The following RC3H1 variants were observed in gnomAD, a reference collection of about 807,000 sequenced individuals.
The protein encoded by RC3H1 is ring finger and CCCH-type domains 1.
A neutral mutation model predicts 138.2 loss-of-function variants in RC3H1; 50 were observed. The observed-to-expected ratio is 0.36, with a 90% CI of 0.29 to 0.46. RC3H1 has a LOEUF of 0.46. Ranked by LOEUF, RC3H1 falls within the 20% of genes least tolerant of loss-of-function variation. The pLI is 1.00. For missense variants in RC3H1, 1,031 were observed against 1,388.1 expected, an observed-to-expected ratio of 0.74 and a Z score of 4.09; for synonymous variants, 462 against 489.1, an observed-to-expected ratio of 0.94 and a Z score of 0.73.
intron 1 of RC3H1, among the ~76,000 whole-genome samples, chr1:174,007,460 T>C (rs1409602163): frequency 2.0e-5 from 3 of 151,844 alleles, no homozygotes; most frequent in Non-Finnish European, 4.4e-5. Context: ...TTTCATGCAA[T>C]GTTTTGTTGT....
At chr1:173,944,313 A>G (rs1659040371) in intron 17 of RC3H1, among the ~76,000 whole-genome samples, 1 of 152,200 alleles carries the variant, frequency 6.6e-6, no homozygotes, top group Admixed American at 6.5e-5. Context: ...AATGGCAAGG[A>G]CTTTTAACTG....
At chr1:173,968,250 C>T (rs749273989) in intron 9 of RC3H1, among the ~76,000 whole-genome samples, 4 of 152,134 alleles carry the variant, frequency 2.6e-5, no homozygotes, top group Non-Finnish European at 5.9e-5. Context: ...ATTTTCCTTG[C>T]TATTTGTACC....
At chr1:173,942,441 A>G (rs991191526) in intron 18 of RC3H1, among the ~76,000 whole-genome samples, 3 of 149,826 alleles carry the variant, frequency 2.0e-5, no homozygotes. Flanking sequence ...AAAAAAAAAA[A>G]AAAAAAAAAG....
intron 1 of RC3H1, among the ~76,000 whole-genome samples, chr1:173,999,747 A>G (rs1378643773): frequency 6.6e-6 from 1 of 152,228 alleles, no homozygotes; most frequent in Non-Finnish European, 1.5e-5. Context: ...ACTACCACCA[A>G]TAACCAACAT....
intron 13 of RC3H1, among the ~76,000 whole-genome samples, chr1:173,956,659 C>CA (rs1659661144): frequency 1.0e-5 from 1 of 97,264 alleles, no homozygotes; most frequent in Non-Finnish European, 2.1e-5. Context: ...AACTCCACCT[C>CA]AAAAAATTAA....
chr1:174,002,517 C>A (rs937408408), intron 1 of RC3H1, among the ~76,000 whole-genome samples: 3 of 152,158 alleles, frequency 2.0e-5, no homozygotes, highest in Non-Finnish European at 2.9e-5. Context: ...CACTGGCATG[C>A]TTAAATCTTT....
chr1:174,017,228 G>A (rs1661877146), intron 1 of RC3H1, among the ~76,000 whole-genome samples: 2 of 152,184 alleles, frequency 1.3e-5, no homozygotes, highest in Non-Finnish European at 2.9e-5. Context: ...AGGAGACCAA[G>A]TATTAGTTGT....
chr1:173,951,291 C>T (rs1294875412), intron 14 of RC3H1, among the ~76,000 whole-genome samples: 1 of 152,040 alleles, frequency 6.6e-6, no homozygotes, highest in Non-Finnish European at 1.5e-5. Flanking sequence ...CGCCATTGAA[C>T]TCCAGCCTGG....
chr1:173,985,512 T>C (rs1272031034), intron 2 of RC3H1, among the ~76,000 whole-genome samples: 5 of 144,432 alleles, frequency 3.5e-5, no homozygotes, highest in Admixed American at 3.4e-4. Flanking sequence ...TAATTCATTG[T>C]GGTTTGTCTA....
At chr1:174,002,385 T>A (rs908137914) in intron 1 of RC3H1, among the ~76,000 whole-genome samples, 1 of 152,208 alleles carries the variant, frequency 6.6e-6, no homozygotes, top group Non-Finnish European at 1.5e-5. Context: ...GATAAATTTA[T>A]GTTTCAGGTT....
In RC3H1 at chr1:173,938,599, G is replaced by C. The variant is rs192440755; in HGVS notation, c.*122C>G. 33 of 639,970 alleles carry C rather than the reference G, an allele frequency of 5.2e-5. No individual in the cohort carries two copies. Among genetic ancestry groups the C allele is most frequent in the Non-Finnish European group, 1.3e-5 (5 of 392,014 alleles). The allele number at this position is 639,970 out of a possible 1,614,324, so 39.6% of individuals were successfully genotyped here. A position where few individuals can be genotyped will look rare whatever the true frequency, so the allele number is the denominator to read the frequency against. On this transcript the variant is annotated 3_prime_UTR_variant, in exon 20 of 20. Transcript: ENST00000367696. ...GTGGTGTTTGTGCACATTGCCTCTG[G>C]TGAATTTCCTGGATTTCTCTGACCG... is the stretch of plus-strand genomic sequence containing the variant.
chr1:173,989,128 G>A (rs1434909636), intron 2 of RC3H1, among the ~76,000 whole-genome samples: 4 of 152,188 alleles, frequency 2.6e-5, no homozygotes, highest in Non-Finnish European at 5.9e-5. Context: ...AGGTGATCAG[G>A]CTCAGATGAT....
intron 3 of RC3H1, 70 bp downstream of exon 3, chr1:173,984,429 T>G: frequency 6.9e-7 from 1 of 1,449,470 alleles, no homozygotes; most frequent in South Asian, 1.4e-5. Context: ...TCAGGACTTA[T>G]ATAGGATTAT....
At position 173,964,027 on chromosome 1, in the gene RC3H1, A is replaced by T; in HGVS notation, c.1777T>A (p.Tyr593Asn). ...LYPAQQTDVY[Y>N]QDPRGAAPPF... is the part of the protein sequence containing the mutation. ...GGAGCTGCTCCTCGAGGATCCTGAT[A>T]ATAAACATCCGTCTGTTGTGCTGGA... The change falls in exon 11 of 20, where the codon TAT (tyrosine) becomes AAT (asparagine). Residue 593 changes from tyrosine to asparagine, a missense_variant. Around this residue, in one of 7 missense-constraint regions of RC3H1, gnomAD observed 716 missense variants for 837.9 expected, o/e 0.85. Transcript: ENST00000367696. The T allele has an allele frequency of 6.2e-7, 1 of 1,614,154 alleles. No homozygotes were observed. Among genetic ancestry groups the T allele is most frequent in the Non-Finnish European group, 8.5e-7 (1 of 1,180,024 alleles).
At chr1:173,949,844 G>C (rs1000732699) in intron 14 of RC3H1, among the ~76,000 whole-genome samples, 2 of 152,102 alleles carry the variant, frequency 1.3e-5, no homozygotes, top group African/African-American at 4.8e-5. Flanking sequence ...TCTCGTAAAA[G>C]CAGCTAAAAT....
At chr1:174,020,197 C>CA (rs1661932903) in intron 1 of RC3H1, among the ~76,000 whole-genome samples, 1 of 151,068 alleles carries the variant, frequency 6.6e-6, no homozygotes, top group South Asian at 2.1e-4. Flanking sequence ...GAAATATCTG[C>CA]AAAAAAGTCA....
intron 1 of RC3H1, among the ~76,000 whole-genome samples, chr1:174,011,141 G>T (rs1661741550): frequency 1.3e-5 from 2 of 151,940 alleles, no homozygotes; most frequent in East Asian, 1.9e-4. Flanking sequence ...TATAGTGATA[G>T]AATAAACTGG....
At chr1:173,944,278 T>C (rs894216282) in intron 17 of RC3H1, among the ~76,000 whole-genome samples, 2 of 152,080 alleles carry the variant, frequency 1.3e-5, no homozygotes, top group Admixed American at 6.5e-5. Flanking sequence ...GTAAATCCTA[T>C]AACTTATTTC....
At chr1:174,008,039 C>T (rs1661684654) in intron 1 of RC3H1, among the ~76,000 whole-genome samples, 1 of 152,144 alleles carries the variant, frequency 6.6e-6, no homozygotes, top group Non-Finnish European at 1.5e-5. Flanking sequence ...TAATAGTCTC[C>T]TATTACTTGC....
Sources: gnomAD v4.1 joint callset for allele counts (sites outside exome capture counted in the v4.1 genomes callset) on GRCh38, gnomAD v4.1.1 for gene constraint, gnomAD v4.1.1 regional missense constraint, MANE v1.5 for transcripts, NCBI Gene and HGNC (gene_info 2026-07-23, HGNC 2026-07-21) for gene names.